NRXN1: variants seen among roughly 807,000 people sequenced by gnomAD.
The protein encoded by NRXN1 is neurexin 1, also known as neurexin-1.
In NRXN1, 39 loss-of-function variants were observed where a neutral mutation model predicts 150.9. The ratio of observed to expected loss-of-function variants is 0.26; its 90% CI spans 0.20 to 0.34. NRXN1 has a LOEUF of 0.34. Ranked by LOEUF, NRXN1 falls within the 10% of genes least tolerant of loss-of-function variation. The pLI, the probability that NRXN1 is intolerant of heterozygous loss-of-function variation, is 1.00. For missense variants in NRXN1, 1,815 were observed against 1,949.9 expected (o/e 0.93, Z 1.30); for synonymous variants, 924 against 757.0 (o/e 1.22, Z -3.62).
In NRXN1 at chr2:50,475,449, G is replaced by T. The variant is rs578032063; in HGVS notation, c.3071-2978C>A. 8.5e-5 allele frequency among the ~76,000 whole-genome samples: 13 copies of T among 152,150 alleles called. No individual in the cohort carries two copies. The East Asian group carries it at 2.5e-3, about 29-fold the overall frequency. On this transcript the variant is annotated intron_variant, in intron 15 of 22. Transcript: ENST00000401669. ...ATGAGGAGAGTGCTAATTCTAAAAT[G>T]CACCAACTTACTTCCTTTTCCCACT...
At chr2:50,176,047 C>T (rs948984009) in intron 18 of NRXN1, among the ~76,000 whole-genome samples, 2 of 152,026 alleles carry the variant, frequency 1.3e-5, no homozygotes, top group East Asian at 1.9e-4. Flanking sequence ...GAACTGAGTC[C>T]CTCCTGCTAT....
intron 5 of NRXN1, among the ~76,000 whole-genome samples, chr2:50,891,308 T>C (rs1358230049): frequency 6.6e-6 from 1 of 152,032 alleles, no homozygotes; most frequent in Non-Finnish European, 1.5e-5. Context: ...AAATCAATAC[T>C]CATTTTAGAC....
Position 50,445,321 on chromosome 2 carries a change from T to C in NRXN1, c.3364+20121A>G, listed in dbSNP as rs182774104. ...TCGCAAAGAAGTAAAGTTTTTCAAC[T>C]AGAGGAAGTACGTGAATCTCTCAGT... On this transcript the variant is annotated intron_variant, in intron 17 of 22. Transcript: ENST00000401669. Among the ~76,000 whole-genome samples the C allele has an allele frequency of 9.5e-3, 1,452 of 152,320 alleles. 17 individuals carry two copies. The highest frequency in any genetic ancestry group is 0.037 in the Middle Eastern group (11 of 294).
chr2:50,345,741 T>A (rs1343211775), intron 17 of NRXN1, among the ~76,000 whole-genome samples: 5 of 152,174 alleles, frequency 3.3e-5, no homozygotes, highest in Non-Finnish European at 7.3e-5. Context: ...TCTGCTGTTT[T>A]CAAAGGGACA....
At chr2:50,922,728 A>G (rs201427729) in intron 3 of NRXN1, 41 bp from the exon 4 acceptor site, 1 of 1,603,810 alleles carries the variant, frequency 6.2e-7, no homozygotes, top group Non-Finnish European at 8.5e-7. Context: ...TAAACAAGGG[A>G]GCATGGGAAG....
chr2:50,834,725 T>A (rs1043807224), intron 5 of NRXN1, among the ~76,000 whole-genome samples: 1 of 152,188 alleles, frequency 6.6e-6, no homozygotes, highest in African/African-American at 2.4e-5. Flanking sequence ...CTTTACTATA[T>A]TACATATATC....
chr2:50,452,923 G>C (rs2087130671), intron 17 of NRXN1, among the ~76,000 whole-genome samples: 1 of 152,184 alleles, frequency 6.6e-6, no homozygotes, highest in South Asian at 2.1e-4. Flanking sequence ...GCCTTGAATA[G>C]CATGAATAAT....
intron 2 of NRXN1, among the ~76,000 whole-genome samples, chr2:50,991,191 G>A (rs1350266282): frequency 2.6e-5 from 4 of 151,932 alleles, no homozygotes; most frequent in African/African-American, 9.7e-5. Flanking sequence ...TGTCTATTCT[G>A]AAATGGAGAA....
At chr2:50,759,172 A>G (rs561786829) in intron 5 of NRXN1, among the ~76,000 whole-genome samples, 63 of 152,112 alleles carry the variant, frequency 4.1e-4, no homozygotes, top group African/African-American at 1.5e-3. Flanking sequence ...GACAAATTGT[A>G]GATAAATTGC....
chr2:51,005,867 C>A (rs572841102), intron 2 of NRXN1, among the ~76,000 whole-genome samples: 1 of 151,712 alleles, frequency 6.6e-6, no homozygotes, highest in Non-Finnish European at 1.5e-5. Flanking sequence ...ACAAAAATGA[C>A]CCAAATATAT....
chr2:50,280,654 T>A (rs879612668), intron 17 of NRXN1, among the ~76,000 whole-genome samples: 2 of 152,110 alleles, frequency 1.3e-5, no homozygotes, highest in Non-Finnish European at 2.9e-5. Context: ...TCATAGGTAG[T>A]TAAGTGGTGA....
chr2:50,972,428 A>G (rs545480825), intron 2 of NRXN1, among the ~76,000 whole-genome samples: 1 of 152,284 alleles, frequency 6.6e-6, no homozygotes, highest in South Asian at 2.1e-4. Context: ...AGTGACTTAG[A>G]GCAGCGATCC....
intron 5 of NRXN1, among the ~76,000 whole-genome samples, chr2:50,834,293 G>C (rs1671799614): frequency 6.6e-6 from 1 of 152,094 alleles, no homozygotes; most frequent in Non-Finnish European, 1.5e-5. Context: ...AGGTGAACAA[G>C]GGACAATAAT....
chr2:49,974,749 C>A (rs1043662827), intron 21 of NRXN1, among the ~76,000 whole-genome samples: 3 of 138,280 alleles, frequency 2.2e-5, no homozygotes, highest in Non-Finnish European at 3.1e-5. Flanking sequence ...GAAATACATT[C>A]TTAGGCTTTT....
intron 21 of NRXN1, among the ~76,000 whole-genome samples, chr2:50,014,647 T>C (rs1405546394): frequency 6.6e-6 from 1 of 152,158 alleles, no homozygotes; most frequent in Non-Finnish European, 1.5e-5. Context: ...TCATTAATTC[T>C]TTTTTTATTG....
chr2:49,964,163 T>C (rs761186160), intron 21 of NRXN1, among the ~76,000 whole-genome samples: 4 of 152,240 alleles, frequency 2.6e-5, no homozygotes, highest in Non-Finnish European at 5.9e-5. Flanking sequence ...ACTTCTACTG[T>C]TCATATCAAT....
At chr2:50,732,900 T>A (rs1226770037) in intron 5 of NRXN1, among the ~76,000 whole-genome samples, 2 of 152,214 alleles carry the variant, frequency 1.3e-5, no homozygotes, top group Non-Finnish European at 2.9e-5. Flanking sequence ...TAGTAGACTT[T>A]CTTCCAGTAC....
intron 18 of NRXN1, among the ~76,000 whole-genome samples, chr2:50,226,751 A>G (rs1480535219): frequency 2.0e-5 from 3 of 151,992 alleles, no homozygotes; most frequent in Non-Finnish European, 4.4e-5. Flanking sequence ...TAACACATAA[A>G]CTGGAAACAT....
chr2:50,234,567 A>AGG (rs2065247540), intron 18 of NRXN1, among the ~76,000 whole-genome samples: 1 of 152,132 alleles, frequency 6.6e-6, no homozygotes, highest in Non-Finnish European at 1.5e-5. Context: ...TGAGTCTGTA[A>AGG]TGTCTAATCA....
Sources: gnomAD v4.1 joint callset for allele counts (sites outside exome capture counted in the v4.1 genomes callset) on GRCh38, gnomAD v4.1.1 for gene constraint, MANE v1.5 for transcripts, NCBI Gene and HGNC (gene_info 2026-07-23, HGNC 2026-07-21) for gene names.